Variants in XCR1 observed in about 807,000 individuals in gnomAD.
XCR1 encodes X-C motif chemokine receptor 1, also known as chemokine XC receptor 1.
For synonymous variants in XCR1, 187 were observed against 188.5 expected (o/e 0.99, Z 0.06); for missense variants, 356 against 424.2 (o/e 0.84, Z 1.41).
chr3:46,071,734 A>G (rs975958942), intron 3 of XCR1, among the ~76,000 whole-genome samples: 12 of 152,198 alleles, frequency 7.9e-5, no homozygotes, highest in Admixed American at 5.2e-4. Context: ...ATAGATATAG[A>G]AAAACCATCT....
intron 5 of XCR1, among the ~76,000 whole-genome samples, chr3:46,047,531 C>T (rs1697657198): frequency 6.6e-6 from 1 of 152,182 alleles, no homozygotes; most frequent in Non-Finnish European, 1.5e-5. Flanking sequence ...TGGTGATATT[C>T]TTTACAAATG....
At position 46,026,688 on chromosome 3, in the gene XCR1, T is replaced by C. The variant is rs1433347708; in HGVS notation, c.-32+729A>G. 2.0e-5 allele frequency among the ~76,000 whole-genome samples: 3 copies of C among 151,612 alleles called. No homozygotes were observed. In the East Asian group the frequency reaches 5.8e-4, roughly 29 times the overall value. ...AGCTCCGTCTCCCAGATTCATGCCA[T>C]TCTCCTGAATCAGCCTCCCAAGTAG... On this transcript the variant is annotated intron_variant, in intron 1 of 1. Coordinates refer to ENST00000309285, the MANE Select transcript of XCR1 (RefSeq NM_001024644.2).
At chr3:46,052,716 C>T (rs1251622916) in intron 5 of XCR1, among the ~76,000 whole-genome samples, 1 of 152,206 alleles carries the variant, frequency 6.6e-6, no homozygotes, top group African/African-American at 2.4e-5. Flanking sequence ...GTACACCTCA[C>T]CGGTGCCAGT....
At chr3:46,025,910 A>C (rs1404423774) in intron 1 of XCR1, among the ~76,000 whole-genome samples, 1 of 152,232 alleles carries the variant, frequency 6.6e-6, no homozygotes, top group Non-Finnish European at 1.5e-5. Flanking sequence ...GAACATAGAC[A>C]GAAAAATTCT....
chr3:46,078,636 G>A (rs1049330745), intron 1 of XCR1, among the ~76,000 whole-genome samples: 5 of 152,212 alleles, frequency 3.3e-5, no homozygotes, highest in Non-Finnish European at 7.3e-5. Context: ...TACATAGCAC[G>A]CTTTTAAAAT....
At chr3:46,073,152 C>CA (rs1428889807) in intron 3 of XCR1, among the ~76,000 whole-genome samples, 1 of 151,984 alleles carries the variant, frequency 6.6e-6, no homozygotes, top group African/African-American at 2.4e-5. Context: ...ATATAAGACT[C>CA]AAAACTATAA....
chr3:46,036,979 T>G (rs922198717), intron 5 of XCR1, among the ~76,000 whole-genome samples: 1 of 152,208 alleles, frequency 6.6e-6, no homozygotes, highest in African/African-American at 2.4e-5. Context: ...TAACTTATAA[T>G]CTTAAAAGTT....
intron 4 of XCR1, among the ~76,000 whole-genome samples, chr3:46,058,972 T>C (rs541647755): frequency 1.3e-3 from 193 of 152,296 alleles, no homozygotes; most frequent in African/African-American, 4.5e-3. Context: ...GGTCATTACA[T>C]CCCTAAATAT....
chr3:46,045,219 T>C (rs1163559378), intron 5 of XCR1, among the ~76,000 whole-genome samples: 1 of 151,874 alleles, frequency 6.6e-6, no homozygotes, highest in Non-Finnish European at 1.5e-5. Flanking sequence ...AGGAGTTCAA[T>C]ACCAGCCTGG....
chr3:46,040,078 T>G (rs1462474346), intron 5 of XCR1, among the ~76,000 whole-genome samples: 1 of 152,176 alleles, frequency 6.6e-6, no homozygotes, highest in Non-Finnish European at 1.5e-5. Flanking sequence ...TGAACACAAT[T>G]TTCATGCAAG....
intron 2 of XCR1, among the ~76,000 whole-genome samples, chr3:46,076,728 T>C (rs548746315): frequency 3.9e-4 from 59 of 152,226 alleles, no homozygotes; most frequent in Admixed American, 1.4e-3. Flanking sequence ...ACCTCAATGG[T>C]CCCAAACTGA....
chr3:46,025,564 A>G, intron 1 of XCR1, among the ~76,000 whole-genome samples: 1 of 152,270 alleles, frequency 6.6e-6, no homozygotes, highest in East Asian at 1.9e-4. Flanking sequence ...AAAAAATCCA[A>G]CAACTTAAAT....
chr3:46,065,509 G>T (rs1698052500), intron 4 of XCR1, among the ~76,000 whole-genome samples: 1 of 152,232 alleles, frequency 6.6e-6, no homozygotes. Context: ...AATATCATAT[G>T]ATACTCCCTT....
chr3:46,052,453 C>T (rs139878036), intron 5 of XCR1, among the ~76,000 whole-genome samples: 1 of 152,304 alleles, frequency 6.6e-6, no homozygotes, highest in East Asian at 1.9e-4. Context: ...ATAGGGAGGA[C>T]AGTCCTGGTA....
At chr3:46,082,118 C>A (rs990641891) in intron 1 of XCR1, among the ~76,000 whole-genome samples, 1 of 152,166 alleles carries the variant, frequency 6.6e-6, no homozygotes, top group Non-Finnish European at 1.5e-5. Flanking sequence ...CCTGAGGGGA[C>A]GTCTTTCATC....
chr3:46,055,040 T>A (rs955571306), intron 4 of XCR1, among the ~76,000 whole-genome samples: 3 of 152,188 alleles, frequency 2.0e-5, no homozygotes, highest in African/African-American at 2.4e-5. Context: ...TTAAGTTATA[T>A]CCCTTGTTGC....
chr3:46,085,433 A>G (rs1698456707), intron 1 of XCR1, among the ~76,000 whole-genome samples: 1 of 152,194 alleles, frequency 6.6e-6, no homozygotes, highest in African/African-American at 2.4e-5. Flanking sequence ...CGATCTTATC[A>G]TGACAATTGT....
At chr3:46,032,092 G>C (rs547853857), upstream of XCR1, among the ~76,000 whole-genome samples, 130 of 152,284 alleles carry the variant, frequency 8.5e-4, no homozygotes, top group African/African-American at 3.0e-3. Flanking sequence ...CATTCTTCTG[G>C]TTTGCAGGAC....
intron 5 of XCR1, among the ~76,000 whole-genome samples, chr3:46,052,970 A>G (rs35657218): frequency 0.37 from 56,209 of 152,042 alleles, 10,887 homozygotes; most frequent in South Asian, 0.53. Flanking sequence ...ATTTGTGAGT[A>G]TCATTTCATG....
Sources: gnomAD v4.1 joint callset for allele counts (sites outside exome capture counted in the v4.1 genomes callset) on GRCh38, gnomAD v4.1.1 for gene constraint, MANE v1.5 for transcripts, NCBI Gene and HGNC (gene_info 2026-07-23, HGNC 2026-07-21) for gene names.